Variants in CDK14 observed in about 807,000 individuals in gnomAD.
CDK14 encodes cyclin-dependent kinase 14.
CDK14 carries 34 observed loss-of-function variants against 60.7 expected under a neutral mutation model. The ratio of observed to expected loss-of-function variants is 0.56; its 90% CI spans 0.43 to 0.75. The LOEUF (loss-of-function observed/expected upper bound fraction) is 0.75. Among genes scored for constraint, CDK14 ranks in the 30% least tolerant of loss-of-function variants. The probability of loss-of-function intolerance (pLI) is 0.00; values close to 1 mark genes in which losing one functional copy is unlikely to be tolerated. For missense variants in CDK14, 482 were observed against 564.1 expected, an observed-to-expected ratio of 0.85 and a Z score of 1.47; for synonymous variants, 197 against 203.7, an observed-to-expected ratio of 0.97 and a Z score of 0.28.
At chr7:90,896,274 C>A (rs996790098) in intron 6 of CDK14, among the ~76,000 whole-genome samples, 3 of 151,808 alleles carry the variant, frequency 2.0e-5, no homozygotes, top group Non-Finnish European at 4.4e-5. Flanking sequence ...ACTTTTTTAA[C>A]TTTTTGTACA....
At chr7:91,128,814 C>T (rs1800028252) in intron 14 of CDK14, among the ~76,000 whole-genome samples, 1 of 152,082 alleles carries the variant, frequency 6.6e-6, no homozygotes, top group African/African-American at 2.4e-5. Context: ...CCTTTCAATT[C>T]CGCATTGCAG....
chr7:90,603,152 C>T (rs1450746527), intron 1 of CDK14, among the ~76,000 whole-genome samples: 35 of 152,162 alleles, frequency 2.3e-4, no homozygotes, highest in Admixed American at 2.3e-3. Context: ...AAACATTTCT[C>T]CAGCTAGTAG....
chr7:90,623,984 A>G (rs1439059204), intron 2 of CDK14, among the ~76,000 whole-genome samples: 1 of 152,202 alleles, frequency 6.6e-6, no homozygotes, highest in Non-Finnish European at 1.5e-5. Context: ...GTGTCATTGC[A>G]TATTTATAAT....
chr7:91,012,456 A>G (rs2115823366), intron 10 of CDK14, among the ~76,000 whole-genome samples: 1 of 152,230 alleles, frequency 6.6e-6, no homozygotes. Flanking sequence ...TCTGCTTTGC[A>G]TATTATAGTA....
chr7:90,656,812 A>G (rs1455824157), intron 2 of CDK14, among the ~76,000 whole-genome samples: 1 of 152,144 alleles, frequency 6.6e-6, no homozygotes, highest in Non-Finnish European at 1.5e-5. Context: ...ACAACTTTAT[A>G]GTTTTTTTGC....
chr7:91,153,039 G>A (rs1273189911), intron 14 of CDK14, among the ~76,000 whole-genome samples: 1 of 152,210 alleles, frequency 6.6e-6, no homozygotes, highest in Non-Finnish European at 1.5e-5. Context: ...GAGATGGAGT[G>A]GAGCTGTGGC....
Position 90,799,667 on chromosome 7 carries a change from G to A in CDK14, c.544+9015G>A, listed in dbSNP as rs533528610. Among the ~76,000 whole-genome samples, 6 of 135,812 alleles carry A rather than the reference G, an allele frequency of 4.4e-5. No individual in the cohort carries two copies. The South Asian group carries it at 1.5e-3, about 34-fold the overall frequency. The allele number at this position is 135,812 out of a possible 152,430, so 89.1% of individuals were successfully genotyped here. ...ATCGCGCCACTGCGCTCCAGCCTGG[G>A]TGACAAGAGTGAAACTCCATCTCAA... On this transcript the variant is annotated intron_variant, in intron 5 of 14. Coordinates refer to ENST00000380050, the MANE Select transcript of CDK14 (RefSeq NM_001287135.2).
At chr7:90,780,599 C>T (rs1332841631) in intron 4 of CDK14, among the ~76,000 whole-genome samples, 1 of 137,856 alleles carries the variant, frequency 7.3e-6, no homozygotes, top group Admixed American at 7.7e-5. Flanking sequence ...CAACATTCCC[C>T]AGAGTGTGAT....
intron 7 of CDK14, among the ~76,000 whole-genome samples, chr7:90,901,843 G>A (rs1195244198): frequency 6.6e-6 from 1 of 151,902 alleles, no homozygotes; most frequent in Non-Finnish European, 1.5e-5. Flanking sequence ...TGCAGACCAA[G>A]TAATCTTATG....
chr7:90,885,117 A>G (rs1791899117), intron 6 of CDK14, among the ~76,000 whole-genome samples: 1 of 152,244 alleles, frequency 6.6e-6, no homozygotes, highest in Admixed American at 6.5e-5. Flanking sequence ...GCTTCTGCAC[A>G]GCAAAAGAAA....
chr7:90,608,204 C>G (rs1799460485), intron 2 of CDK14, among the ~76,000 whole-genome samples: 1 of 152,016 alleles, frequency 6.6e-6, no homozygotes, highest in Admixed American at 6.6e-5. Context: ...CTTAAGTGGC[C>G]CCATTTTTCC....
At chr7:90,644,758 G>T (rs996645305) in intron 2 of CDK14, among the ~76,000 whole-genome samples, 3 of 152,178 alleles carry the variant, frequency 2.0e-5, no homozygotes, top group African/African-American at 7.2e-5. Context: ...GCAGCCCAGA[G>T]TGGTCATTAG....
intron 4 of CDK14, among the ~76,000 whole-genome samples, chr7:90,774,123 C>G (rs1015420725): frequency 6.6e-6 from 1 of 151,758 alleles, no homozygotes; most frequent in South Asian, 2.1e-4. Flanking sequence ...AGGCTGGTCA[C>G]GAACTCCTGA....
Position 91,089,329 on chromosome 7 carries a change from G to A in CDK14, c.1154+9849G>A, listed in dbSNP as rs73400935. On this transcript the variant is annotated intron_variant, in intron 12 of 14. Transcript: ENST00000380050. ...AACGGCATGATAGGACTATATTACT[G>A]TTTATAATTTCTTATATGTCTGTCG... Among the ~76,000 whole-genome samples the A allele has an allele frequency of 8.1e-3, 1,233 of 152,144 alleles. 17 individuals carry two copies. The highest frequency in any genetic ancestry group is 0.027 in the African/African-American group (1,138 of 41,518).
Position 90,883,205 on chromosome 7 carries a change from C to A in CDK14, c.640-16086C>A, listed in dbSNP as rs117611128. 9.0e-4 allele frequency among the ~76,000 whole-genome samples: 136 copies of A among 151,610 alleles called. 1 individual carries two copies. Among genetic ancestry groups the A allele is most frequent in the Non-Finnish European group, 1.6e-3 (112 of 67,892 alleles). ...CAAAATACACAGCCTCCTAGCTAGA[C>A]TAATAAAGAAGAAGAGGGAGAAGAA... On this transcript the variant is annotated intron_variant, in intron 6 of 14. Transcript: ENST00000380050.
At chr7:90,650,586 T>C (rs13242147) in intron 2 of CDK14, among the ~76,000 whole-genome samples, 46,392 of 152,078 alleles carry the variant, frequency 0.31, 7,961 homozygotes, top group East Asian at 0.67. Context: ...TTTTTATGGT[T>C]TTAGGTCTAA....
At chr7:90,599,142 A>G (rs939886658) in intron 1 of CDK14, among the ~76,000 whole-genome samples, 2 of 152,142 alleles carry the variant, frequency 1.3e-5, no homozygotes, top group Admixed American at 6.5e-5. Flanking sequence ...AGGTCTCTCA[A>G]CTTCTCTGAG....
At chr7:91,177,043 T>G (rs1259356868) in intron 14 of CDK14, among the ~76,000 whole-genome samples, 6 of 149,376 alleles carry the variant, frequency 4.0e-5, no homozygotes, top group African/African-American at 7.3e-5. Context: ...TGATGAACAT[T>G]GATGCAAAAA....
intron 14 of CDK14, among the ~76,000 whole-genome samples, chr7:91,134,654 A>G (rs1800216220): frequency 6.6e-6 from 1 of 152,166 alleles, no homozygotes. Flanking sequence ...CAGGTGGATC[A>G]GTTGAGGTCA....
Sources: gnomAD v4.1 joint callset for allele counts (sites outside exome capture counted in the v4.1 genomes callset) on GRCh38, gnomAD v4.1.1 for gene constraint, MANE v1.5 for transcripts, NCBI Gene and HGNC (gene_info 2026-07-23, HGNC 2026-07-21) for gene names.